The following ADAM10 variants were observed in gnomAD, a reference collection of about 807,000 sequenced individuals.
ADAM10 encodes the protein disintegrin and metalloproteinase domain-containing protein 10.
In ADAM10, 17 loss-of-function variants were observed where a neutral mutation model predicts 90.1. The ratio of observed to expected loss-of-function variants is 0.19; its 90% CI spans 0.13 to 0.28. The LOEUF is 0.28. ADAM10 is among the 10% of genes least tolerant of loss of function. ADAM10 has a pLI of 1.00. For synonymous variants in ADAM10, 310 were observed against 298.6 expected, an observed-to-expected ratio of 1.04 and a Z score of -0.40; for missense variants, 610 against 914.3, an observed-to-expected ratio of 0.67 and a Z score of 4.29.
chr15:58,736,822 A>G (rs1239911952), intron 1 of ADAM10, among the ~76,000 whole-genome samples: 1 of 152,102 alleles, frequency 6.6e-6, no homozygotes, highest in Non-Finnish European at 1.5e-5. Context: ...CGAGATAGAG[A>G]AAACAGATCC....
Position 58,633,235 on chromosome 15 carries a change from A to T in ADAM10, c.1137T>A (p.Ile379=), listed in dbSNP as rs1340730993. Residue 379 remains isoleucine (I), a synonymous_variant, in exon 9 of 16, where the codon ATT becomes ATA. Transcript: ENST00000260408. ...GSHVPPKVSH[I]TFAHEVGHNF... ...TATGTCCAACTTCGTGAGCAAAAGT[A>T]ATGTGAGAGACTTTGGGAGGTACAT... The T allele has an allele frequency of 6.2e-7, 1 of 1,613,602 alleles. No homozygotes were observed. Among genetic ancestry groups the T allele is most frequent in the Middle Eastern group, 1.7e-4 (1 of 6,058 alleles).
Position 58,592,992 on chromosome 15 carries a change from A to AG in ADAM10, c.*4554dup, listed in dbSNP as rs1368722415. ...TGTCCAAACAATGGGAAATTGGTTAAGAAAAAAAAAAACATACATCCACAG... is the reference window on the plus strand; with the variant it reads ...TGTCCAAACAATGGGAAATTGGTTAAGGAAAAAAAAAAACATACATCCACAG... On this transcript the variant is annotated 3_prime_UTR_variant, in exon 16 of 16. Transcript: ENST00000260408. The AG allele has an allele frequency of 2.0e-5, 3 of 149,826 alleles. No individual in the cohort carries two copies. Among genetic ancestry groups the AG allele is most frequent in the Non-Finnish European group, 3.0e-5 (2 of 67,512 alleles). The allele number at this position is 149,826 out of a possible 1,614,324, so 9.3% of individuals were successfully genotyped here. A position where few individuals can be genotyped will look rare whatever the true frequency, so the allele number is the denominator to read the frequency against.
intron 11 of ADAM10, among the ~76,000 whole-genome samples, chr15:58,612,856 G>C (rs564826566): frequency 6.6e-6 from 1 of 152,306 alleles, no homozygotes; most frequent in South Asian, 2.1e-4. Flanking sequence ...TGGTGCTATA[G>C]GCAACCTACA....
intron 5 of ADAM10, among the ~76,000 whole-genome samples, chr15:58,652,511 T>C (rs1364944082): frequency 2.0e-5 from 3 of 152,218 alleles, no homozygotes; most frequent in Non-Finnish European, 4.4e-5. Context: ...TTTACCCCAA[T>C]GGATGTTTTT....
chr15:58,626,101 A>T (rs1344120509), intron 10 of ADAM10, among the ~76,000 whole-genome samples: 2 of 152,094 alleles, frequency 1.3e-5, no homozygotes, highest in African/African-American at 4.8e-5. Context: ...AAATCTACGC[A>T]TGTAATAAAA....
At chr15:58,702,995 A>G (rs1337235795) in intron 2 of ADAM10, among the ~76,000 whole-genome samples, 4 of 152,190 alleles carry the variant, frequency 2.6e-5, no homozygotes, top group Non-Finnish European at 5.9e-5. Context: ...TTTTAATTCT[A>G]CTACAATCTG....
rs1440688444 is a variant in ADAM10 at position 58,594,818 on chromosome 15, T to A, written c.*2729A>T. The A allele has an allele frequency of 6.6e-6, 1 of 152,156 alleles. No individual in the cohort carries two copies. The highest frequency in any genetic ancestry group is 6.6e-5 in the Admixed American group (1 of 15,260). 9.4% of individuals were successfully genotyped at this position (152,156 alleles called of 1,614,324 possible). ...ATAAATAACTAAACATAATATACAT[T>A]TGATGCTCCTAAATTAACAAAGTAA... On this transcript the variant is annotated 3_prime_UTR_variant, in exon 16 of 16. Transcript: ENST00000260408.
At chr15:58,709,747 A>T (rs1310703609) in intron 2 of ADAM10, among the ~76,000 whole-genome samples, 1 of 151,260 alleles carries the variant, frequency 6.6e-6, no homozygotes, top group Admixed American at 6.6e-5. Flanking sequence ...CTCAAAAAAT[A>T]AATAAAAAAT....
At chr15:58,617,448 A>T (rs1278661479) in intron 11 of ADAM10, among the ~76,000 whole-genome samples, 2 of 152,204 alleles carry the variant, frequency 1.3e-5, no homozygotes, top group Non-Finnish European at 2.9e-5. Flanking sequence ...AAAGTTTCCC[A>T]ACAATACTTC....
chr15:58,749,078 C>G (rs1371526065), intron 1 of ADAM10: 3 of 398,558 alleles, frequency 7.5e-6, no homozygotes, highest in Non-Finnish European at 1.3e-5. Context: ...TGAACGAGGA[C>G]GGCGAGACCG....
intron 1 of ADAM10, among the ~76,000 whole-genome samples, chr15:58,735,431 G>C (rs1899398779): frequency 6.6e-6 from 1 of 152,104 alleles, no homozygotes; most frequent in African/African-American, 2.4e-5. Flanking sequence ...TGGTATCCCT[G>C]GGGGGTTGGT....
intron 1 of ADAM10, among the ~76,000 whole-genome samples, chr15:58,723,818 G>GAA (rs772880220): frequency 1.3e-5 from 2 of 151,860 alleles, no homozygotes; most frequent in East Asian, 3.9e-4. Flanking sequence ...ACACACTGGA[G>GAA]AAAAAAACCA....
intron 2 of ADAM10, among the ~76,000 whole-genome samples, chr15:58,707,743 A>G (rs1387810309): frequency 3.9e-5 from 6 of 152,218 alleles, no homozygotes; most frequent in Admixed American, 1.3e-4. Flanking sequence ...AACCTCGCAC[A>G]ACTATGTAAT....
At chr15:58,721,989 T>C (rs374908463) in intron 1 of ADAM10, among the ~76,000 whole-genome samples, 10 of 150,224 alleles carry the variant, frequency 6.7e-5, no homozygotes, top group East Asian at 6.0e-4. Context: ...AACCGCACCA[T>C]TGCAATCCAG....
chr15:58,596,228 T>C lies in ADAM10; in HGVS notation c.*1319A>G, dbSNP rs1327870915. The C allele has an allele frequency of 1.3e-5, 2 of 152,180 alleles. No homozygotes were observed. The highest frequency in any genetic ancestry group is 2.4e-5 in the African/African-American group (1 of 41,444). The allele number at this position is 152,180 out of a possible 1,614,324, so 9.4% of individuals were successfully genotyped here. ...AGTTGGAAAACAGAAGCAATAAATATGTCACAAGCTTCAATTTTTGTAATG... is the reference window on the plus strand; with the variant it reads ...AGTTGGAAAACAGAAGCAATAAATACGTCACAAGCTTCAATTTTTGTAATG... On this transcript the variant is annotated 3_prime_UTR_variant, in exon 16 of 16. Coordinates refer to ENST00000260408, the MANE Select transcript of ADAM10 (RefSeq NM_001110.4).
chr15:58,653,498 C>T (rs1264680699), intron 5 of ADAM10, among the ~76,000 whole-genome samples: 1 of 152,070 alleles, frequency 6.6e-6, no homozygotes, highest in African/African-American at 2.4e-5. Flanking sequence ...TCCTTCATTC[C>T]ATTATGATGT....
chr15:58,647,732 T>G (rs970090627), intron 5 of ADAM10, among the ~76,000 whole-genome samples: 1 of 152,246 alleles, frequency 6.6e-6, no homozygotes, highest in Middle Eastern at 3.4e-3. Flanking sequence ...TTAATTTTTT[T>G]GTAGAGACGG....
intron 2 of ADAM10, among the ~76,000 whole-genome samples, chr15:58,687,757 T>A (rs1297182416): frequency 6.6e-6 from 1 of 152,198 alleles, no homozygotes; most frequent in Non-Finnish European, 1.5e-5. Flanking sequence ...CACAACAATT[T>A]GTACAAACTT....
At position 58,595,613 on chromosome 15, in the gene ADAM10, C is replaced by T. The variant is rs1210097902; in HGVS notation, c.*1934G>A. 2.0e-5 allele frequency: 3 copies of T among 152,086 alleles called. No individual in the cohort carries two copies. Among genetic ancestry groups the T allele is most frequent in the African/African-American group, 4.8e-5 (2 of 41,432 alleles). The allele number at this position is 152,086 out of a possible 1,614,324, so 9.4% of individuals were successfully genotyped here. Reference sequence around the variant, plus strand: ...ATCTTGATTCGCAGTGGAAAGAGTTCAGTGCATGTATCTCTTTTCAGAAAA... The same window carrying T: ...ATCTTGATTCGCAGTGGAAAGAGTTTAGTGCATGTATCTCTTTTCAGAAAA... On this transcript the variant is annotated 3_prime_UTR_variant, in exon 16 of 16. Coordinates refer to ENST00000260408, the MANE Select transcript of ADAM10 (RefSeq NM_001110.4).
Sources: allele counts gnomAD v4.1 joint callset (sites outside exome capture counted in the v4.1 genomes callset), GRCh38; gene constraint gnomAD v4.1.1; transcripts MANE v1.5; gene names NCBI Gene and HGNC (gene_info 2026-07-23, HGNC 2026-07-21).